TBK1: variants seen among roughly 807,000 people sequenced by gnomAD.
TBK1 encodes the protein serine/threonine-protein kinase TBK1.
Under a neutral mutation model 99.9 loss-of-function variants are expected in TBK1, and 37 were observed. The observed-to-expected ratio is 0.37, with a 90% CI of 0.28 to 0.49. The LOEUF is 0.49. TBK1 is among the 20% of genes least tolerant of loss of function. TBK1 has a pLI of 0.98. For synonymous variants in TBK1, 258 were observed against 279.8 expected (o/e 0.92, Z 0.78); for missense variants, 644 against 872.5 (o/e 0.74, Z 3.30).
intron 11 of TBK1, among the ~76,000 whole-genome samples, chr12:64,487,101 G>C (rs1360672342): frequency 2.6e-5 from 4 of 152,172 alleles, no homozygotes; most frequent in African/African-American, 9.7e-5. Context: ...TCTAAGAAAT[G>C]TAAGATGGAT....
At chr12:64,452,263 G>A (rs906910264) in intron 1 of TBK1, 76 bp downstream of exon 1, 1 of 152,236 alleles carries the variant, frequency 6.6e-6, no homozygotes, top group Middle Eastern at 3.4e-3. Flanking sequence ...CGCCCGGCGG[G>A]GAGCGCTCCC....
At chr12:64,464,293 AT>A (rs1429352491) in intron 3 of TBK1, 40 bp from the exon 4 acceptor site, 2 of 1,512,920 alleles carry the variant, frequency 1.3e-6, no homozygotes, top group Non-Finnish European at 1.8e-6. Context: ...ATCAAAATTT[AT>A]TTTTTATGTT....
intron 6 of TBK1, among the ~76,000 whole-genome samples, chr12:64,476,059 T>G (rs1480769748): frequency 6.6e-6 from 1 of 151,986 alleles, no homozygotes. Context: ...CCATTCTGAC[T>G]GGCGTGAGAT....
rs749847349 is a variant in TBK1 at position 64,466,923 on chromosome 12, A to C, written c.381A>C (p.Arg127=). The change falls in exon 5 of 21, where the codon CGA becomes CGC. Residue 127 remains arginine (R), a synonymous_variant. Coordinates refer to ENST00000331710, the MANE Select transcript of TBK1 (RefSeq NM_013254.4). ...AAGTGGGTGGAATGAATCATCTACG[A>C]GAGAATGGTATAGTGCACCGTGATA... ...RDVVGGMNHL[R]ENGIVHRDIK... is the part of the protein sequence containing the mutation. 57 of 1,595,124 alleles carry C rather than the reference A, an allele frequency of 3.6e-5. No homozygotes were observed. Among genetic ancestry groups the C allele is most frequent in the Non-Finnish European group, 4.9e-5 (57 of 1,171,106 alleles).
rs779713075 is a variant in TBK1 at position 64,485,479 on chromosome 12, G to T, written c.1214G>T (p.Arg405Leu). ...EKISLPKVHP[R>L]YDLDGDASMA... Reference sequence around the variant, plus strand: ...GTTTCCCTCCCTAAAGTACATCCACGTTATGATTTAGACGGGGATGCTAGC... The same window carrying T: ...GTTTCCCTCCCTAAAGTACATCCACTTTATGATTTAGACGGGGATGCTAGC... The change falls in exon 10 of 21, where the codon CGT becomes CTT. Residue 405 changes from arginine (R) to leucine (L), a missense_variant. Physicochemically the swap from Arg to Leu is moderately radical, Grantham distance 102. Around this residue, in one of 3 missense-constraint regions of TBK1, gnomAD observed 465 missense variants for 588.0 expected, o/e 0.79. Transcript: ENST00000331710. The T allele has an allele frequency of 7.0e-6, 11 of 1,564,196 alleles. No homozygotes were observed. Among genetic ancestry groups the T allele is most frequent in the Middle Eastern group, 2.1e-4 (1 of 4,816 alleles).
chr12:64,452,737 G>A (rs1565809212), intron 1 of TBK1: 1 of 152,228 alleles, frequency 6.6e-6, no homozygotes, highest in Non-Finnish European at 1.5e-5. Flanking sequence ...AGAAGCATAA[G>A]ATGTTTTAAA....
At position 64,484,307 on chromosome 12, in the gene TBK1, A is replaced by C. The variant is rs751057247; in HGVS notation, c.997A>C (p.Thr333Pro). 2 of 1,605,952 alleles carry C rather than the reference A, an allele frequency of 1.2e-6. No homozygotes were observed. Among genetic ancestry groups the C allele is most frequent in the Non-Finnish European group, 1.7e-6 (2 of 1,174,598 alleles). ...KIYIHSYNTATIFHELVYKQT... is the reference protein window; with the variant it reads ...KIYIHSYNTAPIFHELVYKQT... ...TTTTGAATTTTTCTCACACAGTGCTACTATATTTCATGAACTGGTATATAA... is the reference window on the plus strand; with the variant it reads ...TTTTGAATTTTTCTCACACAGTGCTCCTATATTTCATGAACTGGTATATAA... The change falls in exon 9 of 21, where the codon ACT becomes CCT. Residue 333 changes from threonine (T) to proline (P), a missense_variant. Transcript: ENST00000331710.
Position 64,499,137 on chromosome 12 carries a change from G to A in TBK1, c.2138+1098G>A, listed in dbSNP as rs895417582. ...CAGCTCACTGTAACCTCTGCCTCCC[G>A]GGTTCAAGTGATTCTCCTGCCTCAG... On this transcript the variant is annotated intron_variant, in intron 20 of 20. Transcript: ENST00000331710. Among the ~76,000 whole-genome samples, 8 of 134,800 alleles carry A rather than the reference G, an allele frequency of 5.9e-5. No homozygotes were observed. In the South Asian group the frequency reaches 1.7e-3, roughly 29 times the overall value. The allele number at this position is 134,800 out of a possible 152,430, so 88.4% of individuals were successfully genotyped here.
intron 11 of TBK1, among the ~76,000 whole-genome samples, chr12:64,487,965 G>A (rs968331860): frequency 6.6e-6 from 1 of 152,144 alleles, no homozygotes; most frequent in Non-Finnish European, 1.5e-5. Flanking sequence ...TTTGCTCAAA[G>A]TTTATGCTCA....
chr12:64,464,006 G>C (rs1218433372), intron 3 of TBK1, among the ~76,000 whole-genome samples: 1 of 151,952 alleles, frequency 6.6e-6, no homozygotes, highest in South Asian at 2.1e-4. Context: ...TGGGACTAGA[G>C]GCATGTGCCA....
chr12:64,460,432 GTTTGTACAAC>G (rs2040535182), intron 3 of TBK1, 103 bp downstream of exon 3: 7 of 867,670 alleles, frequency 8.1e-6, no homozygotes, highest in African/African-American at 1.7e-5. Flanking sequence ...GAAAATTAGG[GTTTGTACAAC>G]CAAATACTTT....
Position 64,495,479 on chromosome 12 carries a change from T to C in TBK1, c.1522-4T>C, listed in dbSNP as rs548625020. On this transcript the variant is annotated splice_region_variant and splice_polypyrimidine_tract_variant and intron_variant, in intron 13 of 20. Transcript: ENST00000331710. Reference sequence around the variant, plus strand: ...TCTGGATCTGAACCTTTGGTTTTATTTAGCTTTCCAGTTCTCAGGGAACAA... The same window carrying C: ...TCTGGATCTGAACCTTTGGTTTTATCTAGCTTTCCAGTTCTCAGGGAACAA... 6.2e-7 allele frequency: 1 copy of C among 1,612,752 alleles called. No homozygotes were observed. Among genetic ancestry groups the C allele is most frequent in the African/African-American group, 1.3e-5 (1 of 74,858 alleles).
intron 6 of TBK1, among the ~76,000 whole-genome samples, chr12:64,476,525 T>C (rs2040715974): frequency 1.3e-5 from 2 of 152,164 alleles, no homozygotes; most frequent in Non-Finnish European, 2.9e-5. Context: ...TGTTTGTTTT[T>C]TTCTTGTTGA....
chr12:64,492,464 A>G (rs9634288), intron 13 of TBK1, among the ~76,000 whole-genome samples: 135,253 of 151,866 alleles, frequency 0.89, 60,436 homozygotes, highest in Admixed American at 0.94. Context: ...GTGCCACCAC[A>G]CCCAGCTAAT....
rs546050408 is a variant in TBK1, at chr12:64,501,499, G to A, written c.*118G>A. 10 of 987,966 alleles carry A rather than the reference G, an allele frequency of 1.0e-5. No homozygotes were observed. Among genetic ancestry groups the A allele is most frequent in the African/African-American group, 3.3e-5 (2 of 61,142 alleles). The allele number at this position is 987,966 out of a possible 1,614,324, so 61.2% of individuals were successfully genotyped here. A position where few individuals can be genotyped will look rare whatever the true frequency, so the allele number is the denominator to read the frequency against. ...CTACAATTCAGTATTTGATGTGGTC[G>A]TGTAAATATGTACAATATTGTAAAT... On this transcript the variant is annotated 3_prime_UTR_variant, in exon 21 of 21. Transcript: ENST00000331710.
chr12:64,484,377 G>T lies in TBK1; in HGVS notation c.1067G>T (p.Gly356Val). 6.2e-7 allele frequency: 1 copy of T among 1,613,772 alleles called. No individual in the cohort carries two copies. The highest frequency in any genetic ancestry group is 8.5e-7 in the Non-Finnish European group (1 of 1,179,946). ...TCAAATCAAGAACTTATCTACGAAG[G>T]GCGACGCTTAGTCTTAGAACCTGGA... ...ISSNQELIYE[G>V]RRLVLEPGRL... is the part of the protein sequence containing the mutation. The change falls in exon 9 of 21, where the codon GGG (glycine) becomes GTG (valine). Residue 356 changes from glycine (G) to valine (V), a missense_variant. By Grantham distance (109) the Gly-to-Val change is moderately radical (BLOSUM62 -3). Coordinates refer to ENST00000331710, the MANE Select transcript of TBK1 (RefSeq NM_013254.4).
intron 13 of TBK1, 115 bp from the exon 14 acceptor site, chr12:64,495,368 T>G: frequency 1.5e-6 from 2 of 1,312,260 alleles, no homozygotes; most frequent in East Asian, 4.7e-5. Flanking sequence ...TTACTGTGCC[T>G]TTGAATTGAA....
chr12:64,481,923 T>C lies in TBK1; in HGVS notation c.894T>C (p.Phe298=). The C allele has an allele frequency of 6.2e-7, 1 of 1,612,538 alleles. No individual in the cohort carries two copies. The highest frequency in any genetic ancestry group is 8.5e-7 in the Non-Finnish European group (1 of 1,179,342). The change falls in exon 8 of 21, where the codon TTT becomes TTC. Residue 298 remains phenylalanine, a synonymous_variant. Transcript: ENST00000331710. ...AAAAGTGTTGGGGTTTTGACCAGTTTTTTGCAGAAACTAGTGATATACTTC... is the reference window on the plus strand; with the variant it reads ...AAAAGTGTTGGGGTTTTGACCAGTTCTTTGCAGAAACTAGTGATATACTTC... ...DQEKCWGFDQ[F]FAETSDILHR...
chr12:64,470,148 G>A (rs996398042), intron 5 of TBK1, among the ~76,000 whole-genome samples: 2 of 152,132 alleles, frequency 1.3e-5, no homozygotes, highest in Non-Finnish European at 2.9e-5. Context: ...TGATCAGGGG[G>A]CTAGCCAGAT....
Sources: gnomAD v4.1 joint callset for allele counts (sites outside exome capture counted in the v4.1 genomes callset) on GRCh38, gnomAD v4.1.1 for gene constraint, gnomAD v4.1.1 regional missense constraint, MANE v1.5 for transcripts, NCBI Gene and HGNC (gene_info 2026-07-23, HGNC 2026-07-21) for gene names.